LRBA: variants seen among roughly 807,000 people sequenced by gnomAD.
The protein encoded by LRBA is lipopolysaccharide-responsive and beige-like anchor protein.
A neutral mutation model predicts 330.0 loss-of-function variants in LRBA; 176 were observed. The observed-to-expected ratio is 0.53, with a 90% CI of 0.47 to 0.60. The LOEUF (loss-of-function observed/expected upper bound fraction) is 0.60. Among genes scored for constraint, LRBA ranks in the 20% least tolerant of loss-of-function variants. LRBA has a pLI of 0.00. For missense variants in LRBA, 3,259 were observed against 3,444.8 expected (o/e 0.95, Z 1.35); for synonymous variants, 1,230 against 1,193.0 (o/e 1.03, Z -0.64).
At chr4:150,545,705 TA>T (rs1369202853) in intron 40 of LRBA, among the ~76,000 whole-genome samples, 6 of 152,106 alleles carry the variant, frequency 3.9e-5, no homozygotes, top group African/African-American at 7.2e-5. Flanking sequence ...TTTAAAGACA[TA>T]AAAAGTTAGA....
At chr4:150,881,523 A>G (rs1399603180) in intron 17 of LRBA, among the ~76,000 whole-genome samples, 1 of 152,104 alleles carries the variant, frequency 6.6e-6, no homozygotes, top group East Asian at 1.9e-4. Flanking sequence ...CAAGAAGGAG[A>G]GAAGGAAGGG....
chr4:150,467,243 G>A (rs534008437), intron 44 of LRBA, among the ~76,000 whole-genome samples: 55 of 152,090 alleles, frequency 3.6e-4, no homozygotes, highest in African/African-American at 1.3e-3. Context: ...GAGAATGCTA[G>A]GAATCAACTC....
chr4:150,366,620 G>A (rs927028620), intron 47 of LRBA, among the ~76,000 whole-genome samples: 2 of 152,140 alleles, frequency 1.3e-5, no homozygotes, highest in Non-Finnish European at 2.9e-5. Flanking sequence ...CCAAAGCCAG[G>A]CATGGATAGG....
intron 46 of LRBA, among the ~76,000 whole-genome samples, chr4:150,420,477 ATAAT>A (rs1748605113): frequency 1.5e-5 from 1 of 64,724 alleles, no homozygotes; most frequent in Admixed American, 2.3e-4. Context: ...AATACACATT[ATAAT>A]ATATATAAAG....
chr4:150,984,417 G>A (rs1741199308), intron 2 of LRBA, among the ~76,000 whole-genome samples: 1 of 152,122 alleles, frequency 6.6e-6, no homozygotes, highest in South Asian at 2.1e-4. Context: ...GCTGAGACAG[G>A]AGAATTGCTT....
chr4:150,827,413 T>G (rs1746427765), intron 30 of LRBA, among the ~76,000 whole-genome samples: 3 of 152,062 alleles, frequency 2.0e-5, no homozygotes, highest in Non-Finnish European at 4.4e-5. Context: ...TGTCTGCCTC[T>G]CCTGCTTCCC....
intron 41 of LRBA, among the ~76,000 whole-genome samples, chr4:150,489,056 A>C (rs1203237928): frequency 1.2e-5 from 1 of 80,290 alleles, no homozygotes; most frequent in Non-Finnish European, 2.3e-5. Context: ...ATTATATATA[A>C]GAATATATAA....
At chr4:150,528,273 G>C (rs563438670) in intron 40 of LRBA, among the ~76,000 whole-genome samples, 1 of 152,226 alleles carries the variant, frequency 6.6e-6, no homozygotes, top group South Asian at 2.1e-4. Flanking sequence ...GCTGAGGCAG[G>C]TGGATCACGA....
intron 40 of LRBA, among the ~76,000 whole-genome samples, chr4:150,576,587 A>C (rs545559182): frequency 2.0e-5 from 3 of 151,912 alleles, no homozygotes; most frequent in Non-Finnish European, 4.4e-5. Flanking sequence ...ATAGTTTAAT[A>C]AAGTACTCAT....
At chr4:150,504,660 C>G (rs1397110599) in intron 40 of LRBA, among the ~76,000 whole-genome samples, 2 of 152,174 alleles carry the variant, frequency 1.3e-5, no homozygotes, top group East Asian at 3.8e-4. Flanking sequence ...TAAAGACCAT[C>G]AAGGCTAGGA....
intron 35 of LRBA, among the ~76,000 whole-genome samples, chr4:150,752,426 T>G (rs1733683297): frequency 6.6e-6 from 1 of 152,052 alleles, no homozygotes; most frequent in Non-Finnish European, 1.5e-5. Context: ...AGAATACACA[T>G]GCCTGGAACC....
chr4:150,472,108 T>C (rs963867176), intron 42 of LRBA, among the ~76,000 whole-genome samples: 20 of 149,486 alleles, frequency 1.3e-4, no homozygotes, highest in Non-Finnish European at 5.9e-5. Context: ...TCTTTATTAA[T>C]TGTAATAGTT....
chr4:150,282,343 C>T, intron 55 of LRBA, 107 bp downstream of exon 55: 2 of 976,098 alleles, frequency 2.0e-6, no homozygotes, highest in Non-Finnish European at 1.6e-6. Context: ...GAAAAGAGGC[C>T]CTCGGCAATC....
chr4:150,806,280 C>T lies in LRBA; in HGVS notation c.5509G>A (p.Glu1837Lys). 6.3e-7 allele frequency: 1 copy of T among 1,582,216 alleles called. No individual in the cohort carries two copies. Among genetic ancestry groups the T allele is most frequent in the South Asian group, 1.2e-5 (1 of 84,336 alleles). ...LGSHGQELLI[E>K]GTSLVCMKSS... Reference sequence around the variant, plus strand: ...AAGAAAAACCACTTACTTGTTCCTTCTATAAGCAGTTCTTGTCCATGGCTA... The same window carrying T: ...AAGAAAAACCACTTACTTGTTCCTTTTATAAGCAGTTCTTGTCCATGGCTA... Residue 1837 changes from glutamate to lysine, a missense_variant, in exon 33 of 57, where the codon GAA (glutamate) becomes AAA (lysine). Physicochemically the swap from Glu to Lys is moderately conservative, Grantham distance 56 (BLOSUM62 1). Transcript: ENST00000651943.
intron 22 of LRBA, among the ~76,000 whole-genome samples, chr4:150,866,896 G>A (rs1394101184): frequency 1.3e-5 from 2 of 151,892 alleles, no homozygotes; most frequent in Non-Finnish European, 2.9e-5. Context: ...ACTCTTTATT[G>A]TTTAGAGTTA....
At chr4:150,772,960 T>C (rs1447032009) in intron 34 of LRBA, among the ~76,000 whole-genome samples, 1 of 152,066 alleles carries the variant, frequency 6.6e-6, no homozygotes, top group Non-Finnish European at 1.5e-5. Flanking sequence ...CCCAATCTCA[T>C]CTAAAAGCCA....
chr4:150,429,316 T>G (rs866919218), intron 46 of LRBA, among the ~76,000 whole-genome samples: 1 of 151,790 alleles, frequency 6.6e-6, no homozygotes, highest in African/African-American at 2.4e-5. Context: ...AAAAGGAAAA[T>G]CAAAGGTGCT....
intron 17 of LRBA, among the ~76,000 whole-genome samples, chr4:150,884,757 A>G (rs1272804804): frequency 6.6e-6 from 1 of 152,190 alleles, no homozygotes; most frequent in Non-Finnish European, 1.5e-5. Context: ...CCAGTTTTCA[A>G]CAAAAATTAC....
chr4:150,764,816 G>C lies in LRBA; in HGVS notation c.5581-2969C>G, dbSNP rs544590459. On this transcript the variant is annotated intron_variant, in intron 34 of 56. Coordinates refer to ENST00000651943, the MANE Select transcript of LRBA (RefSeq NM_001364905.1). ...AATAAATGAAATCTCAGTCATTGCTGGTGGGAATGCAAAATGATACAGTCT... is the reference window on the plus strand; with the variant it reads ...AATAAATGAAATCTCAGTCATTGCTCGTGGGAATGCAAAATGATACAGTCT... Among the ~76,000 whole-genome samples the C allele has an allele frequency of 2.1e-4, 32 of 152,128 alleles. 1 individual carries two copies. In the South Asian group the frequency reaches 6.6e-3, roughly 32 times the overall value.
Sources: allele counts gnomAD v4.1 joint callset (sites outside exome capture counted in the v4.1 genomes callset), GRCh38; gene constraint gnomAD v4.1.1; transcripts MANE v1.5; gene names NCBI Gene and HGNC (gene_info 2026-07-23, HGNC 2026-07-21).